ANKFN1: variants seen among roughly 807,000 people sequenced by gnomAD.
ANKFN1 encodes the protein ankyrin repeat and fibronectin type III domain containing 1.
Under a neutral mutation model 108.7 loss-of-function variants are expected in ANKFN1, and 74 were observed. That is an observed-to-expected ratio of 0.68 (90% CI 0.56 to 0.83). The LOEUF is 0.83. Among genes scored for constraint, ANKFN1 ranks in the 40% least tolerant of loss-of-function variants. The pLI is 0.00. For synonymous variants in ANKFN1, 547 were observed against 516.2 expected, an observed-to-expected ratio of 1.06 and a Z score of -0.81; for missense variants, 1,505 against 1,382.3, an observed-to-expected ratio of 1.09 and a Z score of -1.41.
intron 14 of ANKFN1, among the ~76,000 whole-genome samples, chr17:56,465,726 T>C (rs767816676): frequency 5.9e-5 from 9 of 152,236 alleles, no homozygotes; most frequent in Non-Finnish European, 1.3e-4. Flanking sequence ...CCTACCTTCC[T>C]AAAAGCATTG....
At chr17:56,457,606 C>T (rs891928731) in intron 13 of ANKFN1, among the ~76,000 whole-genome samples, 1 of 152,182 alleles carries the variant, frequency 6.6e-6, no homozygotes, top group Non-Finnish European at 1.5e-5. Context: ...GACTTGCATC[C>T]TGTCACAATG....
chr17:56,327,056 G>A (rs1032104404), intron 4 of ANKFN1, among the ~76,000 whole-genome samples: 2 of 152,128 alleles, frequency 1.3e-5, no homozygotes, highest in African/African-American at 4.8e-5. Flanking sequence ...GATGTTCTAA[G>A]TATCCAGTTA....
rs1246050237 is a variant in ANKFN1 at position 56,099,805 on chromosome 17, T to A, written c.288+53480T>A. On this transcript the variant is annotated intron_variant, in intron 4 of 12. Transcript: ENST00000635860. Reference sequence around the variant, plus strand: ...AATGATGGAGGTGGAAACTGTTGCTTGAGAGGCAACAAAAGCCAAGTCATG... The same window carrying A: ...AATGATGGAGGTGGAAACTGTTGCTAGAGAGGCAACAAAAGCCAAGTCATG... Among the ~76,000 whole-genome samples the A allele has an allele frequency of 2.0e-5, 3 of 152,190 alleles. No individual in the cohort carries two copies. The South Asian group carries it at 6.2e-4, about 31-fold the overall frequency.
chr17:56,375,739 T>C (rs554057840), intron 8 of ANKFN1, among the ~76,000 whole-genome samples: 1 of 152,160 alleles, frequency 6.6e-6, no homozygotes, highest in Non-Finnish European at 1.5e-5. Context: ...AAAAATGTAC[T>C]GCAGAGGTAT....
intron 4 of ANKFN1, among the ~76,000 whole-genome samples, chr17:56,065,916 G>A (rs1306975271): frequency 2.0e-5 from 3 of 152,328 alleles, no homozygotes; most frequent in South Asian, 4.1e-4. Context: ...CTTACTCACT[G>A]CAGAATTGCC....
chr17:56,052,108 C>G (rs990048979), intron 4 of ANKFN1, among the ~76,000 whole-genome samples: 1 of 151,852 alleles, frequency 6.6e-6, no homozygotes, highest in Admixed American at 6.6e-5. Flanking sequence ...GCCCGCATTG[C>G]CAAGTCAATC....
chr17:56,251,482 G>A (rs1315068457), intron 3 of ANKFN1, among the ~76,000 whole-genome samples: 1 of 152,154 alleles, frequency 6.6e-6, no homozygotes, highest in Non-Finnish European at 1.5e-5. Context: ...CCTCTGTTTG[G>A]GGCAGGTTTT....
chr17:56,146,329 G>C (rs1164212177), intron 4 of ANKFN1, among the ~76,000 whole-genome samples: 2 of 152,168 alleles, frequency 1.3e-5, no homozygotes, highest in African/African-American at 4.8e-5. Flanking sequence ...CTGGGGTCTG[G>C]AGAACAGTGA....
intron 8 of ANKFN1, among the ~76,000 whole-genome samples, chr17:56,400,427 G>A (rs1277448439): frequency 3.0e-5 from 2 of 66,670 alleles, no homozygotes; most frequent in Non-Finnish European, 6.4e-5. Context: ...ACTTTTTGAT[G>A]AGGTTGTTTT....
intron 11 of ANKFN1, among the ~76,000 whole-genome samples, chr17:56,453,131 A>G (rs2049550664): frequency 6.6e-6 from 1 of 152,056 alleles, no homozygotes; most frequent in African/African-American, 2.4e-5. Flanking sequence ...TCTCTAAGTA[A>G]CGTGCTCATA....
At chr17:56,117,464 T>G (rs1443100489) in intron 4 of ANKFN1, among the ~76,000 whole-genome samples, 1 of 152,202 alleles carries the variant, frequency 6.6e-6, no homozygotes, top group African/African-American at 2.4e-5. Context: ...CCAAATGGGA[T>G]GGGCCACAAA....
At chr17:56,097,903 A>T (rs916817159) in intron 4 of ANKFN1, among the ~76,000 whole-genome samples, 1 of 152,196 alleles carries the variant, frequency 6.6e-6, no homozygotes, top group Non-Finnish European at 1.5e-5. Context: ...CGGGGGACTC[A>T]ATGGTAGCCC....
At chr17:56,231,361 T>A (rs538280343) in intron 3 of ANKFN1, among the ~76,000 whole-genome samples, 1 of 152,326 alleles carries the variant, frequency 6.6e-6, no homozygotes, top group Non-Finnish European at 1.5e-5. Context: ...TCCCTATGGC[T>A]TTAATGCCCT....
At chr17:56,073,343 C>A (rs1250494436) in intron 4 of ANKFN1, among the ~76,000 whole-genome samples, 1 of 152,188 alleles carries the variant, frequency 6.6e-6, no homozygotes, top group Non-Finnish European at 1.5e-5. Context: ...TCAAACACAT[C>A]GAAACATTGA....
intron 1 of ANKFN1, among the ~76,000 whole-genome samples, chr17:56,183,454 A>G (rs567652960): frequency 6.6e-6 from 1 of 152,190 alleles, no homozygotes; most frequent in Non-Finnish European, 1.5e-5. Context: ...TGATTGGATC[A>G]TGCGGGCAGA....
At chr17:56,046,163 C>G in exon 4 of ANKFN1, 1 of 152,478 alleles carries the variant, frequency 6.6e-6, no homozygotes, top group Admixed American at 6.5e-5. Flanking sequence ...AGTCGGTGTT[C>G]ATCTGGGGAA....
At chr17:56,385,377 G>A (rs1396715537) in intron 8 of ANKFN1, among the ~76,000 whole-genome samples, 6 of 152,210 alleles carry the variant, frequency 3.9e-5, no homozygotes, top group South Asian at 2.1e-4. Flanking sequence ...CTAGAAGAAA[G>A]CCTAGGCATT....
chr17:56,490,873 A>G (rs550354619), intron 18 of ANKFN1, among the ~76,000 whole-genome samples: 1 of 152,226 alleles, frequency 6.6e-6, no homozygotes, highest in Admixed American at 6.5e-5. Flanking sequence ...CTTCTCTTCT[A>G]CTTCCATGGA....
intron 1 of ANKFN1, among the ~76,000 whole-genome samples, chr17:56,209,399 A>C (rs1018514755): frequency 4.6e-5 from 7 of 152,220 alleles, no homozygotes; most frequent in Admixed American, 4.6e-4. Flanking sequence ...TGATGATAGG[A>C]TATCAATAGG....
Sources: gnomAD v4.1 joint callset for allele counts (sites outside exome capture counted in the v4.1 genomes callset) on GRCh38, gnomAD v4.1.1 for gene constraint, MANE v1.5 for transcripts, NCBI Gene and HGNC (gene_info 2026-07-23, HGNC 2026-07-21) for gene names.